The following LHCGR variants were observed in gnomAD, a reference collection of about 807,000 sequenced individuals.
LHCGR encodes the protein lutropin-choriogonadotropic hormone receptor.
A neutral mutation model predicts 60.7 loss-of-function variants in LHCGR; 55 were observed. The ratio of observed to expected loss-of-function variants is 0.91; its 90% CI spans 0.73 to 1.13. The LOEUF is 1.13. LHCGR is among the 50% of genes most tolerant of loss of function. The pLI, the probability that LHCGR is intolerant of heterozygous loss-of-function variation, is 0.00. For synonymous variants in LHCGR, 337 were observed against 316.5 expected, an observed-to-expected ratio of 1.06 and a Z score of -0.69; for missense variants, 862 against 836.0, an observed-to-expected ratio of 1.03 and a Z score of -0.38.
At position 48,723,547 on chromosome 2, in the gene LHCGR, A is replaced by T; in HGVS notation, c.459-14T>A. ...TCACAAATTTCCCTTGAGGAAAGAAATGAGAAATATTTACTTTCTAAATTT... is the reference window on the plus strand; with the variant it reads ...TCACAAATTTCCCTTGAGGAAAGAATTGAGAAATATTTACTTTCTAAATTT... On this transcript the variant is annotated splice_polypyrimidine_tract_variant and intron_variant, in intron 5 of 10. Coordinates refer to ENST00000294954, the MANE Select transcript of LHCGR (RefSeq NM_000233.4). 1.2e-6 allele frequency: 2 copies of T among 1,609,852 alleles called. No homozygotes were observed. Among genetic ancestry groups the T allele is most frequent in the Non-Finnish European group, 1.7e-6 (2 of 1,176,070 alleles).
chr2:48,718,285 C>T (rs2104441693), intron 6 of LHCGR, among the ~76,000 whole-genome samples: 1 of 152,302 alleles, frequency 6.6e-6, no homozygotes, highest in East Asian at 1.9e-4. Flanking sequence ...GTGAATCACA[C>T]AGAATGGCAC....
chr2:48,718,036 C>T (rs1668339939), intron 6 of LHCGR, among the ~76,000 whole-genome samples: 2 of 152,002 alleles, frequency 1.3e-5, no homozygotes, highest in Admixed American at 1.3e-4. Flanking sequence ...CTCATGCTGT[C>T]AGTCTTGCAC....
rs749078142 is a variant in LHCGR at position 48,698,735 on chromosome 2, A to G, written c.746T>C (p.Ile249Thr). 97 of 1,614,074 alleles carry G rather than the reference A, an allele frequency of 6.0e-5. 1 individual carries two copies. Among genetic ancestry groups the G allele is most frequent in the South Asian group, 4.0e-4 (36 of 91,084 alleles). Residue 249 changes from isoleucine (I) to threonine (T), a missense_variant, in exon 9 of 11, where the codon ATT becomes ACT. By Grantham distance (89) the Ile-to-Thr change is moderately conservative (BLOSUM62 -1). Transcript: ENST00000294954. ...TTTTAGAGAATAGGATGACGTGGCA[A>G]TTAGCCTCTGAATGGACTCTAGGCC... Reference protein sequence around the residue: ...SYGLESIQRLIATSSYSLKKL... With the variant: ...SYGLESIQRLTATSSYSLKKL...
At chr2:48,719,817 G>T (rs1027103617) in intron 6 of LHCGR, among the ~76,000 whole-genome samples, 1 of 152,140 alleles carries the variant, frequency 6.6e-6, no homozygotes, top group Non-Finnish European at 1.5e-5. Flanking sequence ...AAAAGAGAAG[G>T]CTTGCTTTCA....
At position 48,694,303 on chromosome 2, in the gene LHCGR, G is replaced by A. The variant is rs750855637; in HGVS notation, c.868C>T (p.Gln290Ter). Residue 290 changes from glutamine to a stop codon, truncating the protein, a stop_gained and splice_region_variant, in exon 10 of 11, where the codon CAG (glutamine) becomes TAG (stop). Transcript: ENST00000294954. LOFTEE classifies it high-confidence loss of function. ...TCAGAAATGGAATGTGAAAAATTCT[G>A]TCTGAAAGAGAAGAGGTTAAAAAAA... ...CAFRNLPTKE[Q>*]NFSHSISENF... 1 of 1,587,092 alleles carries A rather than the reference G, an allele frequency of 6.3e-7. No individual in the cohort carries two copies. Among genetic ancestry groups the A allele is most frequent in the Non-Finnish European group, 8.6e-7 (1 of 1,158,584 alleles).
chr2:48,714,492 T>C (rs974670630), intron 6 of LHCGR, among the ~76,000 whole-genome samples: 1 of 151,948 alleles, frequency 6.6e-6, no homozygotes, highest in African/African-American at 2.4e-5. Context: ...ACTTTTTTTT[T>C]TTTTTTTCTT....
chr2:48,721,638 T>G (rs1273575189), intron 6 of LHCGR: 4 of 465,678 alleles, frequency 8.6e-6, no homozygotes, highest in Non-Finnish European at 1.3e-5. Context: ...TAGAATCCAG[T>G]GATATAAAAG....
chr2:48,690,383 G>C (rs1283451179), intron 10 of LHCGR, among the ~76,000 whole-genome samples: 1 of 152,152 alleles, frequency 6.6e-6, no homozygotes, highest in East Asian at 1.9e-4. Flanking sequence ...ATTAATATCC[G>C]TGTGCCTCAA....
intron 4 of LHCGR, among the ~76,000 whole-genome samples, chr2:48,724,068 C>G (rs948481367): frequency 6.6e-6 from 1 of 152,106 alleles, no homozygotes; most frequent in South Asian, 2.1e-4. Flanking sequence ...CTTGATAGTT[C>G]GAGAAAGCAT....
At chr2:48,731,405 A>C in intron 1 of LHCGR, 107 bp from the exon 2 acceptor site, 1 of 739,208 alleles carries the variant, frequency 1.4e-6, no homozygotes. Flanking sequence ...CAGAGACTTC[A>C]GAGTTCCCAA....
chr2:48,703,867 A>G (rs898361562), intron 8 of LHCGR, among the ~76,000 whole-genome samples: 1 of 152,188 alleles, frequency 6.6e-6, no homozygotes, highest in Non-Finnish European at 1.5e-5. Context: ...TTCCTAAATG[A>G]ATACCCTTTA....
rs138817424 is a variant in LHCGR at position 48,712,177 on chromosome 2, C to A, written c.605+1809G>T. Among the ~76,000 whole-genome samples, 398 of 152,068 alleles carry A rather than the reference C, an allele frequency of 2.6e-3. 4 individuals carry two copies. The highest frequency in any genetic ancestry group is 9.2e-3 in the African/African-American group (382 of 41,494). ...TTTCTTTTCCTGCTGCCTTTGAAAT[C>A]CCAGAGGACTTTACCTCTCTCTGGG... is the stretch of plus-strand genomic sequence containing the variant. On this transcript the variant is annotated intron_variant, in intron 7 of 10. Transcript: ENST00000294954.
intron 7 of LHCGR, among the ~76,000 whole-genome samples, chr2:48,711,746 CT>C (rs1429959271): frequency 6.6e-6 from 1 of 152,140 alleles, no homozygotes; most frequent in Non-Finnish European, 1.5e-5. Context: ...ATTTTTCCCC[CT>C]GTTCAGGTGA....
At chr2:48,738,445 G>A (rs187761606) in intron 1 of LHCGR, among the ~76,000 whole-genome samples, 12 of 152,118 alleles carry the variant, frequency 7.9e-5, no homozygotes, top group East Asian at 5.8e-4. Context: ...TCACTCCATC[G>A]TTGCTTTCCC....
intron 1 of LHCGR, among the ~76,000 whole-genome samples, chr2:48,743,311 G>A (rs1182625883): frequency 6.6e-6 from 1 of 151,938 alleles, no homozygotes; most frequent in Non-Finnish European, 1.5e-5. Flanking sequence ...CCAATCAATA[G>A]AAAAAGAGGG....
Position 48,688,527 on chromosome 2 carries a change from C to T in LHCGR, c.1270G>A (p.Gly424Ser), listed in dbSNP as rs1041508701. The change falls in exon 11 of 11, where the codon GGC becomes AGC. Residue 424 changes from glycine to serine, a missense_variant. Gly to Ser is a moderately conservative substitution (Grantham distance 56, BLOSUM62 0). Coordinates refer to ENST00000294954, the MANE Select transcript of LHCGR (RefSeq NM_000233.4). This position sits in a 1 kb window ranked among gnomAD's most constrained non-coding sequence, Gnocchi z 5.2. Reference protein sequence around the residue: ...LIASVDSQTKGQYYNHAIDWQ... With the variant: ...LIASVDSQTKSQYYNHAIDWQ... ...TCTATGGCATGGTTATAGTACTGGC[C>T]CTTGGTTTGGGAATCAACTGAGGCT... The T allele has an allele frequency of 6.2e-6, 10 of 1,614,038 alleles. No individual in the cohort carries two copies. Among genetic ancestry groups the T allele is most frequent in the Non-Finnish European group, 7.6e-6 (9 of 1,180,012 alleles).
At chr2:48,707,282 G>C (rs1667733973) in intron 8 of LHCGR, among the ~76,000 whole-genome samples, 1 of 152,212 alleles carries the variant, frequency 6.6e-6, no homozygotes, top group African/African-American at 2.4e-5. Flanking sequence ...GTTCCAGAGG[G>C]GCACCTGCCA....
intron 3 of LHCGR, among the ~76,000 whole-genome samples, chr2:48,728,243 A>C (rs1668833986): frequency 6.6e-6 from 1 of 152,104 alleles, no homozygotes; most frequent in African/African-American, 2.4e-5. Flanking sequence ...GTGCCTTTCC[A>C]AGCCTCCATT....
At chr2:48,714,505 A>G (rs1366270293) in intron 6 of LHCGR, among the ~76,000 whole-genome samples, 4 of 145,692 alleles carry the variant, frequency 2.7e-5, no homozygotes, top group Admixed American at 2.1e-4. Context: ...TTTTTCTTGG[A>G]TGAGTATGTG....
Sources: gnomAD v4.1 joint callset for allele counts (sites outside exome capture counted in the v4.1 genomes callset) on GRCh38, gnomAD v4.1.1 for gene constraint, Gnocchi (gnomAD v3.1) non-coding constraint, MANE v1.5 for transcripts, NCBI Gene and HGNC (gene_info 2026-07-23, HGNC 2026-07-21) for gene names.